Variants in CA13 observed in about 807,000 individuals in gnomAD.
CA13 encodes carbonic anhydrase 13.
Under a neutral mutation model 31.5 loss-of-function variants are expected in CA13, and 21 were observed. The ratio of observed to expected loss-of-function variants is 0.67; its 90% CI spans 0.47 to 0.96. The LOEUF is 0.96. Among genes scored for constraint, CA13 ranks in the 40% least tolerant of loss-of-function variants. The probability of loss-of-function intolerance (pLI) is 0.00; values close to 1 mark genes in which losing one functional copy is unlikely to be tolerated. For synonymous variants in CA13, 117 were observed against 111.4 expected, an observed-to-expected ratio of 1.05 and a Z score of -0.32; for missense variants, 315 against 318.9, an observed-to-expected ratio of 0.99 and a Z score of 0.09.
rs376953669 is a variant in CA13 at position 85,283,666 on chromosome 8, G to A, written c.*2317G>A. 6 of 152,736 alleles carry A rather than the reference G, an allele frequency of 3.9e-5. No homozygotes were observed. Among genetic ancestry groups the A allele is most frequent in the South Asian group, 4.1e-4 (2 of 4,828 alleles). 9.5% of individuals were successfully genotyped at this position (152,736 alleles called of 1,614,324 possible). On this transcript the variant is annotated 3_prime_UTR_variant, in exon 7 of 7. Transcript: ENST00000321764. ...AAAGACCTGTGAAGTATCCTAGTCAGGGAAAGAACCTGTTTTCTGGAAGAA... is the reference window on the plus strand; with the variant it reads ...AAAGACCTGTGAAGTATCCTAGTCAAGGAAAGAACCTGTTTTCTGGAAGAA...
chr8:85,245,712 C>A lies in CA13; in HGVS notation c.-117C>A. On this transcript the variant is annotated 5_prime_UTR_variant, in exon 1 of 7. Coordinates refer to ENST00000321764, the MANE Select transcript of CA13 (RefSeq NM_198584.3). ...CGGACCGGGTTCACGGTCTCGCACT[C>A]CTGCCGCCGGCGCCCCGCGGTCCCG... The A allele has an allele frequency of 8.2e-7, 1 of 1,218,420 alleles. No homozygotes were observed. Among genetic ancestry groups the A allele is most frequent in the Non-Finnish European group, 1.2e-6 (1 of 833,862 alleles). 75.5% of individuals were successfully genotyped at this position (1,218,420 alleles called of 1,614,324 possible). A position where few individuals can be genotyped will look rare whatever the true frequency, so the allele number is the denominator to read the frequency against.
chr8:85,251,291 C>T (rs1049731588), intron 2 of CA13, among the ~76,000 whole-genome samples: 6 of 152,102 alleles, frequency 3.9e-5, no homozygotes, highest in Admixed American at 2.6e-4. Context: ...CGTGAGCCAC[C>T]GCACCCAGAA....
chr8:85,275,353 T>C (rs1807586914), intron 6 of CA13, among the ~76,000 whole-genome samples: 1 of 152,058 alleles, frequency 6.6e-6, no homozygotes, highest in Admixed American at 6.6e-5. Context: ...TGGGCATTCC[T>C]GAGGAGTGAA....
intron 6 of CA13, among the ~76,000 whole-genome samples, chr8:85,274,531 C>G (rs541122573): frequency 1.3e-5 from 2 of 152,332 alleles, no homozygotes; most frequent in East Asian, 3.9e-4. Flanking sequence ...ATTTCTAGAA[C>G]CGCTTTTCCG....
At chr8:85,249,725 GT>G in intron 1 of CA13, 1 of 305,304 alleles carries the variant, frequency 3.3e-6, no homozygotes. Flanking sequence ...GTAGCCCAGT[GT>G]AGGTGGTGAT....
rs565078626 is a variant in CA13 at position 85,260,226 on chromosome 8, CT to C, written c.354+694del. On this transcript the variant is annotated intron_variant, in intron 3 of 6. Coordinates refer to ENST00000321764, the MANE Select transcript of CA13 (RefSeq NM_198584.3). The stretch of plus-strand genomic sequence containing the variant: ...AGGATCTGGATTAAAAAATGCTCTA[CT>C]TTTTTTAATCCTTTGGTTAAAGAAC... Among the ~76,000 whole-genome samples the C allele has an allele frequency of 4.9e-3, 749 of 152,166 alleles. 4 individuals carry two copies. Among genetic ancestry groups the C allele is most frequent in the Non-Finnish European group, 7.9e-3 (539 of 67,972 alleles).
intron 6 of CA13, among the ~76,000 whole-genome samples, chr8:85,272,721 T>A (rs2129996574): frequency 6.6e-6 from 1 of 152,354 alleles, no homozygotes; most frequent in South Asian, 2.1e-4. Context: ...TGCTCACTTT[T>A]GTGTGGACAC....
chr8:85,274,214 T>C (rs896096737), intron 6 of CA13, among the ~76,000 whole-genome samples: 1 of 152,160 alleles, frequency 6.6e-6, no homozygotes, highest in Non-Finnish European at 1.5e-5. Context: ...TCTCAATAAC[T>C]ACTTCAGGCG....
At chr8:85,262,725 G>A (rs1807401305) in intron 3 of CA13, among the ~76,000 whole-genome samples, 1 of 152,118 alleles carries the variant, frequency 6.6e-6, no homozygotes, top group Admixed American at 6.6e-5. Context: ...AGTGGCTAAG[G>A]GGAGCTTTGG....
In CA13 at chr8:85,245,506, C is replaced by G; in HGVS notation, c.-323C>G. 2.8e-6 allele frequency: 1 copy of G among 357,082 alleles called. No homozygotes were observed. Among genetic ancestry groups the G allele is most frequent in the South Asian group, 3.5e-5 (1 of 28,442 alleles). 22.1% of individuals were successfully genotyped at this position (357,082 alleles called of 1,614,324 possible). On this transcript the variant is annotated 5_prime_UTR_variant, in exon 1 of 7. Coordinates refer to ENST00000321764, the MANE Select transcript of CA13 (RefSeq NM_198584.3). The stretch of plus-strand genomic sequence containing the variant: ...GGCAACACTTTCCTCTCCCGAGTGA[C>G]GACTCCTCAGAAGGCAGGAGATCCC...
chr8:85,248,980 A>G (rs1813779532), intron 1 of CA13, among the ~76,000 whole-genome samples: 2 of 152,224 alleles, frequency 1.3e-5, no homozygotes, highest in Non-Finnish European at 2.9e-5. Flanking sequence ...ACTCAGAAAG[A>G]TGGTGAAAGT....
At chr8:85,251,292 G>A (rs771733381) in intron 2 of CA13, among the ~76,000 whole-genome samples, 27 of 152,076 alleles carry the variant, frequency 1.8e-4, no homozygotes, top group Non-Finnish European at 3.5e-4. Context: ...GTGAGCCACC[G>A]CACCCAGAAT....
At chr8:85,265,855 A>G (rs977223488) in intron 3 of CA13, among the ~76,000 whole-genome samples, 12 of 152,264 alleles carry the variant, frequency 7.9e-5, no homozygotes, top group Admixed American at 7.9e-4. Context: ...TAACATGATT[A>G]CATGATTACT....
chr8:85,253,535 G>A (rs1312941821), intron 2 of CA13, among the ~76,000 whole-genome samples: 1 of 152,172 alleles, frequency 6.6e-6, no homozygotes, highest in African/African-American at 2.4e-5. Context: ...AAAGTGCTGG[G>A]AGCCACCACA....
In CA13 at chr8:85,245,549, T is replaced by C. The variant is rs1269314627; in HGVS notation, c.-280T>C. 8 of 466,024 alleles carry C rather than the reference T, an allele frequency of 1.7e-5. No homozygotes were observed. The highest frequency in any genetic ancestry group is 3.0e-5 in the Non-Finnish European group (8 of 262,416). The allele number at this position is 466,024 out of a possible 1,614,324, so 28.9% of individuals were successfully genotyped here. On this transcript the variant is annotated 5_prime_UTR_variant, in exon 1 of 7. Transcript: ENST00000321764. ...GAGATCCCCCCCGGAAACCTTTCTC[T>C]CTCCGTCTCTCCCTCTAACTCAAAT...
At chr8:85,254,403 A>G (rs6994113) in intron 2 of CA13, among the ~76,000 whole-genome samples, 92,813 of 151,892 alleles carry the variant, frequency 0.61, 28,889 homozygotes, top group Non-Finnish European at 0.65. Context: ...AAAATTTTCT[A>G]CTCTAATTTG....
intron 2 of CA13, among the ~76,000 whole-genome samples, chr8:85,253,861 T>C (rs1237897723): frequency 4.6e-5 from 7 of 152,198 alleles, no homozygotes; most frequent in Non-Finnish European, 1.0e-4. Flanking sequence ...GTAATAGATA[T>C]ATTGTAAAAG....
intron 6 of CA13, among the ~76,000 whole-genome samples, chr8:85,278,875 C>T (rs904638440): frequency 6.6e-6 from 1 of 152,160 alleles, no homozygotes; most frequent in Admixed American, 6.5e-5. Context: ...AACTTCTCAG[C>T]TACCCCTCAA....
At chr8:85,268,732 G>A in intron 6 of CA13, 105 bp downstream of exon 6, 1 of 968,080 alleles carries the variant, frequency 1.0e-6, no homozygotes, top group Non-Finnish European at 1.5e-6. Flanking sequence ...TTTGAAGTCT[G>A]TTTTCTCTTT....
Sources: allele counts gnomAD v4.1 joint callset (sites outside exome capture counted in the v4.1 genomes callset), GRCh38; gene constraint gnomAD v4.1.1; transcripts MANE v1.5; gene names NCBI Gene and HGNC (gene_info 2026-07-23, HGNC 2026-07-21).